Variants in CCNC observed in about 807,000 individuals in gnomAD.
CCNC encodes the protein cyclin-C.
Under a neutral mutation model 50.0 loss-of-function variants are expected in CCNC, and 19 were observed. The observed-to-expected ratio is 0.38, with a 90% confidence interval of 0.27 to 0.56. The LOEUF (loss-of-function observed/expected upper bound fraction) is 0.56. Ranked by LOEUF, CCNC falls within the 20% of genes least tolerant of loss-of-function variation. The pLI, the probability that CCNC is intolerant of heterozygous loss-of-function variation, is 0.72. For missense variants in CCNC, 200 were observed against 327.1 expected, an observed-to-expected ratio of 0.61 and a Z score of 3.00; for synonymous variants, 93 against 103.7, an observed-to-expected ratio of 0.90 and a Z score of 0.63.
chr6:99,560,236 T>C (rs954638074), intron 4 of CCNC, among the ~76,000 whole-genome samples: 2 of 152,154 alleles, frequency 1.3e-5, no homozygotes, highest in South Asian at 4.1e-4. Context: ...CATGGTAATA[T>C]TTAAATAAAA....
Position 99,561,429 on chromosome 6 carries a change from G to C in CCNC, c.232C>G (p.Leu78Val). The C allele has an allele frequency of 6.4e-7, 1 of 1,563,176 alleles. No homozygotes were observed. Among genetic ancestry groups the C allele is most frequent in the Non-Finnish European group, 8.6e-7 (1 of 1,158,272 alleles). The change falls in exon 4 of 12, where the codon CTG (leucine) becomes GTG (valine). Residue 78 changes from leucine (L) to valine (V), a missense_variant. Coordinates refer to ENST00000520429, the MANE Select transcript of CCNC (RefSeq NM_005190.4). The stretch of plus-strand genomic sequence containing the variant: ...ATTAATACAGGATCTATACTTTTCA[G>C]AGAATACCTAAAATATGATAAAACA... ...YFKRFYARYS[L>V]KSIDPVLMAP...
chr6:99,557,788 C>CAAAAAAAAAAAAAAA (rs61523844), intron 5 of CCNC: 7 of 86,668 alleles, frequency 8.1e-5, no homozygotes, highest in Non-Finnish European at 1.1e-4. Context: ...GACTCTGTCT[C>CAAAAAAAAAAAAAAA]AAAAAAAAAA....
At chr6:99,544,153 T>C in intron 11 of CCNC, 4 of 1,498,298 alleles carry the variant, frequency 2.7e-6, no homozygotes, top group Non-Finnish European at 3.5e-6. Context: ...TGCTGAATAC[T>C]TAAAAATAAC....
At chr6:99,544,143 T>C in intron 11 of CCNC, 1 of 1,481,542 alleles carries the variant, frequency 6.7e-7, no homozygotes, top group Non-Finnish European at 8.9e-7. Flanking sequence ...AAAATAAAAA[T>C]GCTGAATACT....
At chr6:99,548,303 G>A (rs1423755958) in intron 9 of CCNC, among the ~76,000 whole-genome samples, 1 of 152,106 alleles carries the variant, frequency 6.6e-6, no homozygotes, top group Non-Finnish European at 1.5e-5. Flanking sequence ...GCAGATCCCA[G>A]TATTCCTACC....
chr6:99,550,293 A>C lies in CCNC; in HGVS notation c.455T>G (p.Val152Gly). ...LLELMDCCLI[V>G]YHPYRPLLQY... is the part of the protein sequence containing the mutation. ...GAGCAAAGGTCTATAAGGATGATACACTATCAAGCAACAATCCTAGAAACA... is the reference window on the plus strand; with the variant it reads ...GAGCAAAGGTCTATAAGGATGATACCCTATCAAGCAACAATCCTAGAAACA... The change falls in exon 8 of 12, where the codon GTG becomes GGG. Residue 152 changes from valine (V) to glycine (G), a missense_variant. By Grantham distance (109) the Val-to-Gly change is moderately radical. Transcript: ENST00000520429. The C allele has an allele frequency of 6.2e-7, 1 of 1,610,000 alleles. No individual in the cohort carries two copies. Among genetic ancestry groups the C allele is most frequent in the Non-Finnish European group, 8.5e-7 (1 of 1,177,962 alleles).
Position 99,543,488 on chromosome 6 carries a change from A to C in CCNC, c.*67T>G, listed in dbSNP as rs781661916. ...TTCATTTTCATTTGTGTTCCACTGA[A>C]GACATTACTGAAATCTGTCCAATGG... On this transcript the variant is annotated 3_prime_UTR_variant, in exon 12 of 12. Coordinates refer to ENST00000520429, the MANE Select transcript of CCNC (RefSeq NM_005190.4). 2.3e-4 allele frequency: 357 copies of C among 1,526,264 alleles called. No individual in the cohort carries two copies. Among genetic ancestry groups the C allele is most frequent in the Middle Eastern group, 3.4e-4 (2 of 5,902 alleles). 94.5% of individuals were successfully genotyped at this position (1,526,264 alleles called of 1,614,324 possible).
chr6:99,544,254 G>C, intron 11 of CCNC: 4 of 1,534,990 alleles, frequency 2.6e-6, no homozygotes, highest in Non-Finnish European at 3.5e-6. Context: ...GCCACTAGTG[G>C]AGAATCACTC....
chr6:99,544,745 GAAA>G (rs34449935), intron 11 of CCNC, among the ~76,000 whole-genome samples: 19 of 122,488 alleles, frequency 1.6e-4, no homozygotes, highest in Admixed American at 4.1e-4. Context: ...AGCCAGCAGT[GAAA>G]AAAAAAAAAA....
chr6:99,556,152 A>T (rs901945111), intron 5 of CCNC, among the ~76,000 whole-genome samples: 5 of 152,226 alleles, frequency 3.3e-5, no homozygotes, highest in Non-Finnish European at 7.3e-5. Flanking sequence ...CACTCAATAC[A>T]GTTTGCAGTT....
chr6:99,564,453 G>C (rs1769031604), intron 1 of CCNC, among the ~76,000 whole-genome samples: 1 of 151,214 alleles, frequency 6.6e-6, no homozygotes, highest in East Asian at 1.9e-4. Context: ...AATTCCTATG[G>C]GTTACTGCCA....
chr6:99,548,539 G>A (rs549909528), intron 9 of CCNC, among the ~76,000 whole-genome samples: 1 of 151,904 alleles, frequency 6.6e-6, no homozygotes, highest in African/African-American at 2.4e-5. Flanking sequence ...AGGGGCTGGG[G>A]TGCAGTGGCT....
chr6:99,564,182 T>C (rs536426922), intron 1 of CCNC, among the ~76,000 whole-genome samples: 61 of 152,212 alleles, frequency 4.0e-4, no homozygotes, highest in African/African-American at 1.4e-3. Context: ...TTTAGCACTC[T>C]GGGAGGCCGA....
chr6:99,563,636 G>T (rs330867), intron 1 of CCNC, among the ~76,000 whole-genome samples: 5 of 151,938 alleles, frequency 3.3e-5, no homozygotes, highest in African/African-American at 4.8e-5. Context: ...CTCTACTGAT[G>T]GAAATACAGG....
Position 99,558,918 on chromosome 6 carries a change from A to T in CCNC, c.295-370T>A, listed in dbSNP as rs139908160. On this transcript the variant is annotated intron_variant, in intron 4 of 11. Transcript: ENST00000520429. Reference sequence around the variant, plus strand: ...TTCTGCCTGTATTACCTCTCCCCCAAATTGCTACAACTTAAGACATATTTT... The same window carrying T: ...TTCTGCCTGTATTACCTCTCCCCCATATTGCTACAACTTAAGACATATTTT... 5.9e-3 allele frequency among the ~76,000 whole-genome samples: 898 copies of T among 152,208 alleles called. 3 individuals are homozygous for T. The highest frequency in any genetic ancestry group is 9.8e-3 in the Non-Finnish European group (669 of 68,004).
chr6:99,559,478 A>T (rs941354797), intron 4 of CCNC, among the ~76,000 whole-genome samples: 6 of 152,154 alleles, frequency 3.9e-5, no homozygotes, highest in Non-Finnish European at 7.4e-5. Flanking sequence ...TTCAGCCTAC[A>T]TCCTTATCCT....
At chr6:99,556,663 T>C (rs1583580796) in intron 5 of CCNC, among the ~76,000 whole-genome samples, 1 of 151,342 alleles carries the variant, frequency 6.6e-6, no homozygotes, top group Admixed American at 6.6e-5. Flanking sequence ...ACTGGCCAGG[T>C]GCAGTGGCTC....
intron 2 of CCNC, 162 bp from the exon 3 acceptor site, chr6:99,561,843 A>ATT (rs1447308793): frequency 6.2e-6 from 3 of 487,094 alleles, no homozygotes; most frequent in Non-Finnish European, 1.1e-5. Context: ...TAATTCTAGG[A>ATT]TTTGCAAATG....
rs1562493591 is a variant in CCNC at position 99,560,228 on chromosome 6, T to G, written c.294+1139A>C. Among the ~76,000 whole-genome samples the G allele has an allele frequency of 2.6e-5, 4 of 152,312 alleles. No homozygotes were observed. In the South Asian group the frequency reaches 6.2e-4, roughly 24 times the overall value. ...GCTTAAGAGACTTTAAATTATTACA[T>G]GGTAATATTTAAATAAAATCAAATA... On this transcript the variant is annotated intron_variant, in intron 4 of 11. Coordinates refer to ENST00000520429, the MANE Select transcript of CCNC (RefSeq NM_005190.4).
Sources: gnomAD v4.1 joint callset for allele counts (sites outside exome capture counted in the v4.1 genomes callset) on GRCh38, gnomAD v4.1.1 for gene constraint, MANE v1.5 for transcripts, NCBI Gene and HGNC (gene_info 2026-07-23, HGNC 2026-07-21) for gene names.